FCN2: variants seen among roughly 807,000 people sequenced by gnomAD.
FCN2 encodes ficolin 2, also known as ficolin-2.
A neutral mutation model predicts 32.5 loss-of-function variants in FCN2; 31 were observed. The ratio of observed to expected loss-of-function variants is 0.96; its 90% confidence interval spans 0.72 to 1.29. The LOEUF (loss-of-function observed/expected upper bound fraction) is 1.29, where lower values mean the gene tolerates loss of function less well. Among genes scored for constraint, FCN2 ranks in the 50% most tolerant of loss-of-function variants. The pLI is 0.00. For synonymous variants in FCN2, 181 were observed against 164.5 expected (o/e 1.10, Z -0.77); for missense variants, 412 against 406.5 (o/e 1.01, Z -0.12).
chr9:134,886,034 G>A, intron 6 of FCN2, 137 bp downstream of exon 6: 2 of 923,344 alleles, frequency 2.2e-6, no homozygotes, highest in Non-Finnish European at 3.2e-6. Flanking sequence ...GGGTGGCACT[G>A]GGACCTCCGA....
the FCN2 span, among the ~76,000 whole-genome samples, chr9:134,869,065 T>C: frequency 6.6e-6 from 1 of 152,110 alleles, no homozygotes; most frequent in Non-Finnish European, 1.5e-5. Flanking sequence ...AATCAGTCCT[T>C]TACAGAGAGT....
chr9:134,875,479 T>G, the FCN2 span, among the ~76,000 whole-genome samples: 1 of 152,240 alleles, frequency 6.6e-6, no homozygotes, highest in East Asian at 1.9e-4. Flanking sequence ...TAACCAAGAG[T>G]ACAGCAAAGA....
Position 134,885,750 on chromosome 9 carries a change from C to T in FCN2, c.430-18C>T, listed in dbSNP as rs746164630. 1.9e-6 allele frequency: 3 copies of T among 1,613,928 alleles called. No homozygotes were observed. In the South Asian group the frequency reaches 3.3e-5, roughly 18 times the overall value. ...TCGGCCTGGCCCCCCCGGCTCCTGTCCCCTGGCTTCTCCACAGGTTTTCCA... is the reference window on the plus strand; with the variant it reads ...TCGGCCTGGCCCCCCCGGCTCCTGTTCCCTGGCTTCTCCACAGGTTTTCCA... On this transcript the variant is annotated intron_variant, in intron 5 of 7. Transcript: ENST00000291744.
upstream of FCN2, among the ~76,000 whole-genome samples, chr9:134,877,103 A>G (rs1235893839): frequency 2.0e-5 from 3 of 152,298 alleles, no homozygotes; most frequent in Admixed American, 2.0e-4. Context: ...AATTTGATTT[A>G]CCTTCTCAAA....
chr9:134,886,401 G>T (rs373552794), intron 6 of FCN2, 29 bp from the exon 7 acceptor site: 4 of 1,613,870 alleles, frequency 2.5e-6, no homozygotes, highest in Non-Finnish European at 1.7e-6. Context: ...GAGCCCTTCC[G>T]CTGAGACCCT....
intron 3 of FCN2, among the ~76,000 whole-genome samples, chr9:134,883,824 G>A (rs1333729867): frequency 7.3e-6 from 1 of 136,210 alleles, no homozygotes; most frequent in Admixed American, 7.4e-5. Context: ...TATTCGGGGA[G>A]GGACTTTTAG....
At chr9:134,885,069 C>A (rs1369103882) in intron 4 of FCN2, among the ~76,000 whole-genome samples, 170 bp from the exon 5 acceptor site, 1 of 152,188 alleles carries the variant, frequency 6.6e-6, no homozygotes, top group African/African-American at 2.4e-5. Flanking sequence ...CTGGCTGCGG[C>A]CATCACAGCT....
At chr9:134,877,634 T>G (rs1050850711), upstream of FCN2, among the ~76,000 whole-genome samples, 1 of 152,196 alleles carries the variant, frequency 6.6e-6, no homozygotes, top group Non-Finnish European at 1.5e-5. Context: ...AAGAGTCTCA[T>G]GGCCGTGTTC....
At chr9:134,867,995 C>T in the FCN2 span, among the ~76,000 whole-genome samples, 2 of 152,242 alleles carry the variant, frequency 1.3e-5, no homozygotes, top group Admixed American at 6.5e-5. Flanking sequence ...ACTATCCCCA[C>T]TTGGCAGCCC....
At chr9:134,867,519 T>C in the FCN2 span, among the ~76,000 whole-genome samples, 9 of 143,194 alleles carry the variant, frequency 6.3e-5, no homozygotes, top group Admixed American at 2.8e-4. Flanking sequence ...AGGGATAGCA[T>C]TGGGAGATAT....
chr9:134,874,250 G>A, the FCN2 span, among the ~76,000 whole-genome samples: 8 of 152,078 alleles, frequency 5.3e-5, no homozygotes, highest in South Asian at 2.1e-4. Flanking sequence ...GATACAATCC[G>A]TTAATCAATA....
At chr9:134,876,919 T>C (rs1027739037), upstream of FCN2, among the ~76,000 whole-genome samples, 22 of 152,348 alleles carry the variant, frequency 1.4e-4, no homozygotes, top group African/African-American at 4.6e-4. Context: ...TTCAAAGAAA[T>C]TGTCCATTTC....
intron 7 of FCN2, 25 bp from the exon 8 acceptor site, chr9:134,887,143 G>A (rs368792237): frequency 4.2e-5 from 68 of 1,613,548 alleles, no homozygotes; most frequent in Admixed American, 6.7e-5. Flanking sequence ...TGCCTGTAAC[G>A]ATGCTCACAT....
intron 6 of FCN2, among the ~76,000 whole-genome samples, chr9:134,886,128 G>C (rs886569501): frequency 1.3e-5 from 2 of 152,174 alleles, no homozygotes; most frequent in Non-Finnish European, 2.9e-5. Context: ...TCAGGTCTTG[G>C]CCCCACTGGC....
the FCN2 span, among the ~76,000 whole-genome samples, chr9:134,873,097 A>T: frequency 6.9e-6 from 1 of 145,796 alleles, no homozygotes; most frequent in Non-Finnish European, 1.5e-5. Flanking sequence ...ATCCTTTCAC[A>T]TTGTGTGCCT....
Position 134,885,916 on chromosome 9 carries a change from C to T in FCN2, c.559+19C>T. 6.3e-7 allele frequency: 1 copy of T among 1,599,822 alleles called. No individual in the cohort carries two copies. Among genetic ancestry groups the T allele is most frequent in the Non-Finnish European group, 8.5e-7 (1 of 1,172,938 alleles). ...GCCCAGGGTAGGGCCGCTGCTGGGG[C>T]TTGGGGGTCGGGGGCCCTGAATGGG... On this transcript the variant is annotated intron_variant, in intron 6 of 7. Coordinates refer to ENST00000291744, the MANE Select transcript of FCN2 (RefSeq NM_004108.3).
the FCN2 span, among the ~76,000 whole-genome samples, chr9:134,867,659 A>C: frequency 2.2e-5 from 3 of 136,700 alleles, no homozygotes; most frequent in South Asian, 7.7e-4. Flanking sequence ...AATTGGGGAT[A>C]CTTTAAAAAA....
In FCN2 at chr9:134,887,235, C is replaced by A. The variant is rs144393630; in HGVS notation, c.762C>A (p.Thr254=). Residue 254 remains threonine, a synonymous_variant, in exon 8 of 8, where the codon ACC becomes ACA. Transcript: ENST00000291744. The part of the protein sequence containing the change: ...STKDQDNDLN[T]GNCAVMFQGA... ...AAGACCAGGACAATGATCTTAACAC[C>A]GGAAATTGTGCTGTGATGTTTCAGG... The A allele has an allele frequency of 6.2e-6, 10 of 1,614,018 alleles. No individual in the cohort carries two copies. Among genetic ancestry groups the A allele is most frequent in the Non-Finnish European group, 8.5e-6 (10 of 1,180,008 alleles).
At chr9:134,886,409 C>A in intron 6 of FCN2, 21 bp from the exon 7 acceptor site, 1 of 1,614,110 alleles carries the variant, frequency 6.2e-7, no homozygotes, top group Non-Finnish European at 8.5e-7. Flanking sequence ...CCGCTGAGAC[C>A]CTGAAACCTT....
Sources: allele counts gnomAD v4.1 joint callset (sites outside exome capture counted in the v4.1 genomes callset), GRCh38; gene constraint gnomAD v4.1.1; transcripts MANE v1.5; gene names NCBI Gene and HGNC (gene_info 2026-07-23, HGNC 2026-07-21).